NEGR1: variants seen among roughly 807,000 people sequenced by gnomAD.
NEGR1 encodes the protein neuronal growth regulator 1.
Under a neutral mutation model 40.9 loss-of-function variants are expected in NEGR1, and 10 were observed. The ratio of observed to expected loss-of-function variants is 0.24; its 90% CI spans 0.15 to 0.42. The LOEUF (loss-of-function observed/expected upper bound fraction) is 0.42, where lower values mean the gene tolerates loss of function less well. NEGR1 is among the 10% of genes least tolerant of loss of function. The pLI is 1.00. For synonymous variants in NEGR1, 185 were observed against 166.8 expected, an observed-to-expected ratio of 1.11 and a Z score of -0.84; for missense variants, 352 against 438.9, an observed-to-expected ratio of 0.80 and a Z score of 1.77.
At chr1:71,682,984 A>G (rs1652890556) in intron 4 of NEGR1, among the ~76,000 whole-genome samples, 1 of 150,408 alleles carries the variant, frequency 6.6e-6, no homozygotes, top group Non-Finnish European at 1.5e-5. Flanking sequence ...GGCTTCTTGT[A>G]CAGCCTGCAG....
chr1:72,044,390 A>T (rs1044511422), intron 1 of NEGR1, among the ~76,000 whole-genome samples: 1 of 151,480 alleles, frequency 6.6e-6, no homozygotes, highest in African/African-American at 2.4e-5. Flanking sequence ...TAAAGAAGAA[A>T]CTATTTTTTT....
intron 2 of NEGR1, among the ~76,000 whole-genome samples, chr1:71,803,266 A>G (rs1657626806): frequency 6.6e-6 from 1 of 152,124 alleles, no homozygotes; most frequent in African/African-American, 2.4e-5. Flanking sequence ...TGAGGACACA[A>G]CCAGAATGTG....
At chr1:72,228,397 C>T (rs1397183734) in intron 1 of NEGR1, among the ~76,000 whole-genome samples, 1 of 152,118 alleles carries the variant, frequency 6.6e-6, no homozygotes, top group Non-Finnish European at 1.5e-5. Context: ...GAGAGTTACA[C>T]CATTATCTCC....
intron 2 of NEGR1, among the ~76,000 whole-genome samples, chr1:71,838,744 C>G (rs1241139860): frequency 6.6e-6 from 1 of 151,750 alleles, no homozygotes; most frequent in Non-Finnish European, 1.5e-5. Flanking sequence ...GTATATCAAG[C>G]AATAAGACAT....
At chr1:72,164,563 T>G (rs1651702028) in intron 1 of NEGR1, among the ~76,000 whole-genome samples, 1 of 152,040 alleles carries the variant, frequency 6.6e-6, no homozygotes, top group African/African-American at 2.4e-5. Flanking sequence ...TGTTTTCAAA[T>G]TAAAGTAAAA....
chr1:72,143,427 G>A (rs1334186803), intron 1 of NEGR1, among the ~76,000 whole-genome samples: 1 of 151,628 alleles, frequency 6.6e-6, no homozygotes, highest in African/African-American at 2.4e-5. Flanking sequence ...AGTGAGGAGA[G>A]GATAAAGATA....
chr1:71,680,317 T>A (rs556019312), intron 4 of NEGR1, among the ~76,000 whole-genome samples: 47 of 152,224 alleles, frequency 3.1e-4, no homozygotes, highest in African/African-American at 1.1e-3. Context: ...TCGTTCTGAT[T>A]TTTTACTTCT....
intron 1 of NEGR1, among the ~76,000 whole-genome samples, chr1:72,148,967 C>A (rs1441407565): frequency 1.3e-5 from 2 of 152,168 alleles, no homozygotes; most frequent in Non-Finnish European, 2.9e-5. Context: ...GTTCCAAAGT[C>A]ACTTCCACAG....
At chr1:71,570,158 G>T (rs941310443) in intron 6 of NEGR1, among the ~76,000 whole-genome samples, 1 of 152,152 alleles carries the variant, frequency 6.6e-6, no homozygotes, top group African/African-American at 2.4e-5. Flanking sequence ...TGATTTAAAA[G>T]AATTCTAGGA....
rs1015706830 is a variant in NEGR1 at position 72,192,920 on chromosome 1, T to A, written c.176+89399A>T. Among the ~76,000 whole-genome samples the A allele has an allele frequency of 1.1e-4, 17 of 151,848 alleles. 3 individuals are homozygous for A. The highest frequency in any genetic ancestry group is 8.6e-4 in the Admixed American group (13 of 15,174). On this transcript the variant is annotated intron_variant, in intron 1 of 6. Coordinates refer to ENST00000357731, the MANE Select transcript of NEGR1 (RefSeq NM_173808.3). ...TTATTGATGGCCTGATCATGTCTTATTTGTTTCTTTTTCTTATTCAGTACA... is the reference window on the plus strand; with the variant it reads ...TTATTGATGGCCTGATCATGTCTTAATTGTTTCTTTTTCTTATTCAGTACA...
chr1:72,198,563 C>A (rs540038931), intron 1 of NEGR1, among the ~76,000 whole-genome samples: 13 of 152,138 alleles, frequency 8.5e-5, no homozygotes, highest in Admixed American at 7.2e-4. Flanking sequence ...ACAGCCATAT[C>A]TATTCCTGAT....
intron 1 of NEGR1, among the ~76,000 whole-genome samples, chr1:72,029,019 GA>G (rs1257073039): frequency 1.3e-5 from 2 of 152,036 alleles, no homozygotes; most frequent in Non-Finnish European, 1.5e-5. Context: ...AACGCTAAAG[GA>G]AAAAGCATAA....
chr1:71,426,754 G>A (rs761449189), intron 6 of NEGR1, among the ~76,000 whole-genome samples: 3 of 152,062 alleles, frequency 2.0e-5, no homozygotes, highest in Non-Finnish European at 2.9e-5. Flanking sequence ...ATTTTGCAGG[G>A]TGTAATTGAA....
chr1:72,226,798 T>C (rs962988376), intron 1 of NEGR1, among the ~76,000 whole-genome samples: 1 of 152,096 alleles, frequency 6.6e-6, no homozygotes, highest in Non-Finnish European at 1.5e-5. Context: ...TTTATTTTTC[T>C]GAGCTTCATA....
At chr1:72,073,852 A>G (rs1647588072) in intron 1 of NEGR1, among the ~76,000 whole-genome samples, 1 of 152,198 alleles carries the variant, frequency 6.6e-6, no homozygotes, top group East Asian at 1.9e-4. Flanking sequence ...AATGGAAAAT[A>G]ATGACATAGC....
chr1:72,198,078 C>T (rs2821287), intron 1 of NEGR1, among the ~76,000 whole-genome samples: 14,933 of 151,960 alleles, frequency 0.098, 1,882 homozygotes, highest in African/African-American at 0.3. Flanking sequence ...GGAGAATAGG[C>T]GGAGGCTGCT....
chr1:72,134,248 G>T (rs1392311421), intron 1 of NEGR1, among the ~76,000 whole-genome samples: 7 of 133,326 alleles, frequency 5.3e-5, no homozygotes, highest in Non-Finnish European at 7.9e-5. Flanking sequence ...TTGCTCTGTT[G>T]CCCAGGCTGG....
intron 1 of NEGR1, among the ~76,000 whole-genome samples, chr1:71,959,335 T>C (rs1049317082): frequency 1.3e-5 from 2 of 152,188 alleles, no homozygotes; most frequent in Non-Finnish European, 2.9e-5. Flanking sequence ...TTGTCACTGT[T>C]TTGTCAGATG....
intron 1 of NEGR1, among the ~76,000 whole-genome samples, chr1:72,277,748 G>A (rs1170382328): frequency 1.3e-5 from 2 of 151,988 alleles, no homozygotes; most frequent in African/African-American, 2.4e-5. Flanking sequence ...TAAACATATA[G>A]GTTTTAAAAT....
Sources: gnomAD v4.1 joint callset for allele counts (sites outside exome capture counted in the v4.1 genomes callset) on GRCh38, gnomAD v4.1.1 for gene constraint, MANE v1.5 for transcripts, NCBI Gene and HGNC (gene_info 2026-07-23, HGNC 2026-07-21) for gene names.